Variants in ZBTB20 observed in about 807,000 individuals in gnomAD.
ZBTB20 encodes the protein zinc finger and BTB domain containing 20.
Under a neutral mutation model 56.9 loss-of-function variants are expected in ZBTB20, and 9 were observed. The observed-to-expected ratio is 0.16, with a 90% CI of 0.10 to 0.28. The LOEUF is 0.28. Among genes scored for constraint, ZBTB20 ranks in the 10% least tolerant of loss-of-function variants. ZBTB20 has a pLI of 1.00. For synonymous variants in ZBTB20, 417 were observed against 420.7 expected, an observed-to-expected ratio of 0.99 and a Z score of 0.11; for missense variants, 655 against 1,003.0, an observed-to-expected ratio of 0.65 and a Z score of 4.69.
chr3:114,433,590 CACA>C (rs1343564236), intron 7 of ZBTB20, among the ~76,000 whole-genome samples: 13 of 152,160 alleles, frequency 8.5e-5, no homozygotes, highest in Admixed American at 5.2e-4. Context: ...TCATTCAAAT[CACA>C]ACATTTACTA....
chr3:115,040,319 C>A (rs1056231232), intron 2 of ZBTB20, among the ~76,000 whole-genome samples: 1 of 151,956 alleles, frequency 6.6e-6, no homozygotes, highest in African/African-American at 2.4e-5. Context: ...AGTAGACACC[C>A]AAAAATAATC....
At chr3:114,969,141 A>G (rs1011059131) in intron 3 of ZBTB20, among the ~76,000 whole-genome samples, 1 of 152,238 alleles carries the variant, frequency 6.6e-6, no homozygotes, top group Non-Finnish European at 1.5e-5. Context: ...ACAAGGATAA[A>G]GACTAAGTCT....
chr3:114,750,382 G>C (rs887729987), intron 5 of ZBTB20, among the ~76,000 whole-genome samples: 4 of 152,054 alleles, frequency 2.6e-5, no homozygotes, highest in African/African-American at 9.7e-5. Flanking sequence ...GGTGAAAAAA[G>C]ATTCAAAATC....
intron 6 of ZBTB20, among the ~76,000 whole-genome samples, chr3:114,543,188 A>C (rs527651094): frequency 1.3e-5 from 2 of 152,160 alleles, no homozygotes; most frequent in African/African-American, 4.8e-5. Context: ...TATAATATCT[A>C]ATACAATAAA....
At chr3:115,118,511 G>A (rs1405397254) in intron 1 of ZBTB20, among the ~76,000 whole-genome samples, 9 of 151,658 alleles carry the variant, frequency 5.9e-5, no homozygotes, top group Admixed American at 3.3e-4. Flanking sequence ...GTCAACCAGC[G>A]CACTTAACAT....
chr3:114,976,780 T>C (rs1168827664), intron 2 of ZBTB20, among the ~76,000 whole-genome samples: 1 of 152,164 alleles, frequency 6.6e-6, no homozygotes, highest in Non-Finnish European at 1.5e-5. Flanking sequence ...GTTTCCCCAC[T>C]AGATTACATT....
intron 1 of ZBTB20, among the ~76,000 whole-genome samples, chr3:115,143,976 C>T (rs2084893840): frequency 6.6e-6 from 1 of 152,158 alleles, no homozygotes; most frequent in African/African-American, 2.4e-5. Flanking sequence ...CTAAAATGCA[C>T]AAAGTGTGTG....
intron 5 of ZBTB20, among the ~76,000 whole-genome samples, chr3:114,705,231 T>A (rs1345893197): frequency 6.6e-6 from 1 of 152,126 alleles, no homozygotes; most frequent in Non-Finnish European, 1.5e-5. Flanking sequence ...AGAAATCTAA[T>A]ATTTGATCTG....
chr3:114,748,871 T>C (rs186073008), intron 5 of ZBTB20, among the ~76,000 whole-genome samples: 178 of 152,308 alleles, frequency 1.2e-3, no homozygotes, highest in Non-Finnish European at 2.0e-3. Flanking sequence ...AGATTGATGA[T>C]GGAGGCATTT....
intron 7 of ZBTB20, among the ~76,000 whole-genome samples, chr3:114,492,031 T>C (rs907670127): frequency 5.3e-5 from 8 of 152,232 alleles, no homozygotes; most frequent in African/African-American, 1.9e-4. Flanking sequence ...GGCACTCTCT[T>C]GGCTTCTGTG....
intron 11 of ZBTB20, among the ~76,000 whole-genome samples, chr3:114,343,632 C>G (rs1273492228): frequency 1.3e-5 from 2 of 152,140 alleles, no homozygotes; most frequent in East Asian, 1.9e-4. Context: ...TGGGGAACAT[C>G]AAGACACGAC....
chr3:114,590,619 G>A (rs1269450166), intron 6 of ZBTB20, among the ~76,000 whole-genome samples: 12 of 152,054 alleles, frequency 7.9e-5, no homozygotes, highest in African/African-American at 2.7e-4. Context: ...TATAGGAAAT[G>A]ATGGTAATTT....
intron 3 of ZBTB20, among the ~76,000 whole-genome samples, chr3:114,955,550 T>C (rs1024806251): frequency 1.3e-5 from 2 of 152,144 alleles, no homozygotes; most frequent in African/African-American, 4.8e-5. Context: ...CCAACTGAAG[T>C]GGGCCAAGTT....
intron 4 of ZBTB20, among the ~76,000 whole-genome samples, chr3:114,817,192 TACACACACACACACACACACAC>T (rs56294507): frequency 6.9e-6 from 1 of 145,716 alleles, no homozygotes; most frequent in Non-Finnish European, 1.5e-5. Context: ...ATACAACTTA[TACACACACACACACACACACAC>T]ACACACACAC....
intron 6 of ZBTB20, among the ~76,000 whole-genome samples, chr3:114,650,494 C>G (rs2060073657): frequency 1.3e-5 from 2 of 151,856 alleles, no homozygotes; most frequent in Admixed American, 1.3e-4. Context: ...CCCACAAAAG[C>G]ATATTCCCAT....
intron 6 of ZBTB20, among the ~76,000 whole-genome samples, chr3:114,601,187 A>G (rs950073323): frequency 2.6e-5 from 4 of 152,020 alleles, no homozygotes; most frequent in East Asian, 3.8e-4. Context: ...GCCAACAGGT[A>G]TCAAGTGAGA....
chr3:114,793,869 A>G (rs141874605), intron 5 of ZBTB20, among the ~76,000 whole-genome samples: 9 of 152,084 alleles, frequency 5.9e-5, no homozygotes, highest in Non-Finnish European at 8.8e-5. Context: ...TCTACAGTCA[A>G]TGCTGTGAGA....
chr3:114,937,360 A>G (rs1430432644), intron 3 of ZBTB20, among the ~76,000 whole-genome samples: 2 of 151,584 alleles, frequency 1.3e-5, no homozygotes. Context: ...GCATTTCTCT[A>G]ATAACCAGTG....
At chr3:114,990,301 T>G (rs1244066079) in intron 2 of ZBTB20, among the ~76,000 whole-genome samples, 1 of 152,170 alleles carries the variant, frequency 6.6e-6, no homozygotes, top group Non-Finnish European at 1.5e-5. Flanking sequence ...TATTGAGAGT[T>G]TTTAGCATGA....
Sources: allele counts gnomAD v4.1 joint callset (sites outside exome capture counted in the v4.1 genomes callset), GRCh38; gene constraint gnomAD v4.1.1; transcripts MANE v1.5; gene names NCBI Gene and HGNC (gene_info 2026-07-23, HGNC 2026-07-21).